Variants in UBE2L3 observed in about 807,000 individuals in gnomAD.
UBE2L3 encodes the protein ubiquitin conjugating enzyme E2 L3.
A neutral mutation model predicts 17.8 loss-of-function variants in UBE2L3; 1 was observed. That is an observed-to-expected ratio of 0.06 (90% CI 0.02 to 0.27). The LOEUF is 0.27. UBE2L3 is among the 10% of genes least tolerant of loss of function. The probability of loss-of-function intolerance (pLI) is 1.00; values close to 1 mark genes in which losing one functional copy is unlikely to be tolerated. For synonymous variants in UBE2L3, 44 were observed against 68.5 expected, an observed-to-expected ratio of 0.64 and a Z score of 1.76; for missense variants, 40 against 192.6, an observed-to-expected ratio of 0.21 and a Z score of 4.69.
At chr22:21,566,239 C>T (rs1030697520), upstream of UBE2L3, among the ~76,000 whole-genome samples, 19 of 151,872 alleles carry the variant, frequency 1.3e-4, no homozygotes, top group African/African-American at 4.3e-4. Flanking sequence ...TCCCAAAGTG[C>T]TGGGATTACA....
intron 1 of UBE2L3, among the ~76,000 whole-genome samples, chr22:21,587,106 A>C (rs2148416786): frequency 6.6e-6 from 1 of 151,738 alleles, no homozygotes; most frequent in South Asian, 2.1e-4. Flanking sequence ...GGCTGGTCTC[A>C]AACTCCTGGC....
intron 2 of UBE2L3, among the ~76,000 whole-genome samples, chr22:21,608,889 G>A (rs919593552): frequency 1.3e-5 from 2 of 150,908 alleles, no homozygotes; most frequent in Non-Finnish European, 3.0e-5. Context: ...GCCCAGTTTG[G>A]CAGTTTTGTT....
intron 1 of UBE2L3, among the ~76,000 whole-genome samples, chr22:21,558,849 G>A (rs1057138354): frequency 6.6e-6 from 1 of 151,978 alleles, no homozygotes; most frequent in African/African-American, 2.4e-5. Flanking sequence ...TCTCCTCCAT[G>A]TCTAGAACAG....
At chr22:21,586,155 C>T (rs1284704749) in intron 1 of UBE2L3, among the ~76,000 whole-genome samples, 1 of 152,126 alleles carries the variant, frequency 6.6e-6, no homozygotes, top group East Asian at 1.9e-4. Flanking sequence ...ATTGCCCAGG[C>T]TGGTCTTGAG....
chr22:21,612,487 G>A (rs1401073262), intron 3 of UBE2L3, among the ~76,000 whole-genome samples: 2 of 151,102 alleles, frequency 1.3e-5, no homozygotes, highest in South Asian at 4.2e-4. Flanking sequence ...CACCACGCCC[G>A]GCTAATTTTT....
intron 1 of UBE2L3, among the ~76,000 whole-genome samples, chr22:21,576,540 CT>C (rs1315357260): frequency 2.6e-5 from 4 of 152,002 alleles, no homozygotes. Flanking sequence ...CCTTATGATC[CT>C]CCTGCCTCGG....
rs933622461 is a variant in UBE2L3, at chr22:21,575,558, C to T, written c.27+7787C>T. Among the ~76,000 whole-genome samples the T allele has an allele frequency of 4.8e-5, 7 of 146,830 alleles. No homozygotes were observed. In the East Asian group the frequency reaches 1.4e-3, roughly 30 times the overall value. Reference sequence around the variant, plus strand: ...GAGCTGAGATGGTGCCACTGCGCTCCAGCCTGGGTGATAGAGCGAGACTCT... The same window carrying T: ...GAGCTGAGATGGTGCCACTGCGCTCTAGCCTGGGTGATAGAGCGAGACTCT... On this transcript the variant is annotated intron_variant, in intron 1 of 3. Coordinates refer to ENST00000342192, the MANE Select transcript of UBE2L3 (RefSeq NM_003347.4).
intron 3 of UBE2L3, among the ~76,000 whole-genome samples, chr22:21,612,628 T>TTTTTCTTTTCTTTTC (rs1478136465): frequency 7.2e-6 from 1 of 138,216 alleles, no homozygotes; most frequent in African/African-American, 2.9e-5. Flanking sequence ...CCCAGCCGAT[T>TTTTTCTTTTCTTTTC]TTTTCTTTTC....
intron 1 of UBE2L3, among the ~76,000 whole-genome samples, chr22:21,580,671 C>T (rs1421922265): frequency 6.6e-6 from 1 of 151,746 alleles, no homozygotes; most frequent in African/African-American, 2.4e-5. Context: ...AGGCTGGTCT[C>T]GAACTCCTGA....
intron 2 of UBE2L3, among the ~76,000 whole-genome samples, chr22:21,602,666 C>T (rs902246491): frequency 3.3e-5 from 5 of 152,208 alleles, no homozygotes; most frequent in Non-Finnish European, 5.9e-5. Context: ...TCCTCTTAGT[C>T]TTAGCTGCCA....
At chr22:21,555,225 A>T (rs1283435737) in intron 1 of UBE2L3, 37 of 150,138 alleles carry the variant, frequency 2.5e-4, no homozygotes, top group African/African-American at 8.7e-4. Context: ...GTAATGTACT[A>T]TACTGATGGG....
intron 2 of UBE2L3, among the ~76,000 whole-genome samples, chr22:21,595,562 C>T (rs1928468703): frequency 6.6e-6 from 1 of 152,178 alleles, no homozygotes; most frequent in Non-Finnish European, 1.5e-5. Flanking sequence ...TCGTAGTGCA[C>T]AGAGGAGGGC....
chr22:21,562,792 A>G (rs1266033012), upstream of UBE2L3, among the ~76,000 whole-genome samples: 1 of 145,458 alleles, frequency 6.9e-6, no homozygotes. Flanking sequence ...GGCGTGAGCC[A>G]CCGCGCCTGG....
intron 3 of UBE2L3, chr22:21,614,492 C>T: frequency 9.4e-7 from 1 of 1,068,282 alleles, no homozygotes; most frequent in Non-Finnish European, 1.3e-6. Flanking sequence ...CTGTAATCTT[C>T]CAGCGCTCTT....
intron 2 of UBE2L3, among the ~76,000 whole-genome samples, chr22:21,608,925 C>T (rs570049847): frequency 5.3e-5 from 8 of 151,504 alleles, no homozygotes; most frequent in South Asian, 4.2e-4. Context: ...GACTCAGTCT[C>T]GCTCTTTCGT....
chr22:21,587,479 T>G (rs535468767), intron 1 of UBE2L3, among the ~76,000 whole-genome samples: 1 of 152,298 alleles, frequency 6.6e-6, no homozygotes, highest in South Asian at 2.1e-4. Flanking sequence ...GCGCCTCGCC[T>G]AGATTTCTTG....
At chr22:21,614,370 G>A (rs1192136013) in intron 3 of UBE2L3, among the ~76,000 whole-genome samples, 2 of 151,428 alleles carry the variant, frequency 1.3e-5, no homozygotes, top group Non-Finnish European at 2.9e-5. Context: ...CAGGCAGATT[G>A]CTTGAGCCAA....
In UBE2L3 at chr22:21,623,110, G is replaced by C. The variant is rs975114432; in HGVS notation, c.*1441G>C. On this transcript the variant is annotated 3_prime_UTR_variant, in exon 4 of 4. Coordinates refer to ENST00000342192, the MANE Select transcript of UBE2L3 (RefSeq NM_003347.4). ...GGCGGCTTCCCTTCTTGGCTCTTGGGGGGGACTAGATCCTGTGGAGAAGAT... is the reference window on the plus strand; with the variant it reads ...GGCGGCTTCCCTTCTTGGCTCTTGGCGGGGACTAGATCCTGTGGAGAAGAT... 6 of 152,292 alleles carry C rather than the reference G, an allele frequency of 3.9e-5. No homozygotes were observed. The highest frequency in any genetic ancestry group is 5.9e-5 in the Non-Finnish European group (4 of 68,032). 9.4% of individuals were successfully genotyped at this position (152,292 alleles called of 1,614,324 possible).
At chr22:21,617,932 A>G (rs1929857673) in intron 3 of UBE2L3, among the ~76,000 whole-genome samples, 1 of 152,226 alleles carries the variant, frequency 6.6e-6, no homozygotes. Context: ...CTGTAATCCC[A>G]GCACTTTGGG....
Sources: allele counts gnomAD v4.1 joint callset (sites outside exome capture counted in the v4.1 genomes callset), GRCh38; gene constraint gnomAD v4.1.1; transcripts MANE v1.5; gene names NCBI Gene and HGNC (gene_info 2026-07-23, HGNC 2026-07-21).